The following PPP4R4 variants were observed in gnomAD, a reference collection of about 807,000 sequenced individuals.
PPP4R4 encodes the protein serine/threonine-protein phosphatase 4 regulatory subunit 4.
Under a neutral mutation model 121.8 loss-of-function variants are expected in PPP4R4, and 70 were observed. That is an observed-to-expected ratio of 0.57 (90% CI 0.47 to 0.70). PPP4R4 has a LOEUF of 0.70. Ranked by LOEUF, PPP4R4 falls within the 30% of genes least tolerant of loss-of-function variation. PPP4R4 has a pLI of 0.00. For synonymous variants in PPP4R4, 348 were observed against 355.7 expected (o/e 0.98, Z 0.24); for missense variants, 875 against 1,033.6 (o/e 0.85, Z 2.10).
chr14:94,230,921 T>C (rs1031653336), intron 4 of PPP4R4, among the ~76,000 whole-genome samples, 187 bp downstream of exon 4: 1 of 152,220 alleles, frequency 6.6e-6, no homozygotes, highest in Non-Finnish European at 1.5e-5. Flanking sequence ...TTAATATCCT[T>C]GAAAGCTGAA....
Position 94,264,532 on chromosome 14 carries a change from G to T in PPP4R4, c.2128-346G>T, listed in dbSNP as rs993970519. 2.6e-5 allele frequency among the ~76,000 whole-genome samples: 4 copies of T among 152,076 alleles called. No individual in the cohort carries two copies. The East Asian group carries it at 7.7e-4, about 29-fold the overall frequency. ...TTTTCTCTCAATCTTTTTAAAGAAA[G>T]ATATTATTTAGCCATTTACCAATCT... On this transcript the variant is annotated intron_variant, in intron 19 of 24. Coordinates refer to ENST00000304338, the MANE Select transcript of PPP4R4 (RefSeq NM_058237.2).
At chr14:94,187,671 G>C (rs112658870) in intron 2 of PPP4R4, among the ~76,000 whole-genome samples, 2 of 151,392 alleles carry the variant, frequency 1.3e-5, no homozygotes, top group Non-Finnish European at 2.9e-5. Context: ...CCAGGAAACT[G>C]CATTGTATTT....
At chr14:94,242,155 T>A in intron 10 of PPP4R4, 134 bp from the exon 11 acceptor site, 5 of 1,252,454 alleles carry the variant, frequency 4.0e-6, no homozygotes, top group African/African-American at 1.5e-5. Flanking sequence ...TATTTGGATC[T>A]TCCAAATATG....
intron 3 of PPP4R4, among the ~76,000 whole-genome samples, chr14:94,218,593 AC>A (rs1280881072): frequency 8.4e-6 from 1 of 119,332 alleles, no homozygotes; most frequent in African/African-American, 3.3e-5. Flanking sequence ...GCACACACAC[AC>A]ACCCTCACCC....
intron 14 of PPP4R4, among the ~76,000 whole-genome samples, chr14:94,249,061 A>G (rs140397180): frequency 1.1e-4 from 16 of 152,138 alleles, no homozygotes; most frequent in Middle Eastern, 3.4e-3. Context: ...AGAATACCTT[A>G]TGCCATAAAC....
At chr14:94,225,162 A>ATAAAT (rs1891628948) in intron 3 of PPP4R4, among the ~76,000 whole-genome samples, 1 of 152,246 alleles carries the variant, frequency 6.6e-6, no homozygotes, top group African/African-American at 2.4e-5. Flanking sequence ...TCCTCTTTCA[A>ATAAAT]TAAAGGCAGA....
chr14:94,255,198 T>C (rs193248131), intron 16 of PPP4R4, among the ~76,000 whole-genome samples: 80 of 152,326 alleles, frequency 5.3e-4, no homozygotes, highest in African/African-American at 1.8e-3. Flanking sequence ...GTCTTCTCCA[T>C]CTCAGGAAAT....
At chr14:94,234,923 G>A (rs1334679545) in intron 7 of PPP4R4, among the ~76,000 whole-genome samples, 1 of 152,094 alleles carries the variant, frequency 6.6e-6, no homozygotes, top group Non-Finnish European at 1.5e-5. Context: ...AACCATACTT[G>A]GAATATGTTT....
At chr14:94,176,625 C>T (rs1956456) in intron 2 of PPP4R4, among the ~76,000 whole-genome samples, 116,250 of 152,070 alleles carry the variant, frequency 0.76, 45,285 homozygotes, top group Admixed American at 0.84. Context: ...GAAATTTGGT[C>T]GAGCCTACTG....
chr14:94,253,459 C>CA (rs1290026472), intron 16 of PPP4R4, among the ~76,000 whole-genome samples: 4 of 151,926 alleles, frequency 2.6e-5, no homozygotes, highest in Non-Finnish European at 5.9e-5. Flanking sequence ...GACTTCGTCT[C>CA]AAAAAAAGGA....
chr14:94,253,225 G>A (rs112851648), intron 16 of PPP4R4, among the ~76,000 whole-genome samples: 3 of 152,140 alleles, frequency 2.0e-5, no homozygotes, highest in Admixed American at 1.3e-4. Flanking sequence ...TTGGGAGGCC[G>A]AGGCAGACAG....
intron 3 of PPP4R4, among the ~76,000 whole-genome samples, chr14:94,219,084 T>TC (rs1237716065): frequency 5.4e-5 from 8 of 146,998 alleles, no homozygotes; most frequent in South Asian, 2.2e-4. Context: ...TCTTTTCTTT[T>TC]TTTTTTTTTT....
intron 3 of PPP4R4, among the ~76,000 whole-genome samples, chr14:94,218,451 C>T (rs561540612): frequency 5.8e-5 from 7 of 121,422 alleles, no homozygotes; most frequent in South Asian, 2.9e-4. Context: ...CACACCCTCA[C>T]CCCTAGACAC....
chr14:94,246,622 G>A, intron 14 of PPP4R4, 83 bp downstream of exon 14: 1 of 1,403,966 alleles, frequency 7.1e-7, no homozygotes, highest in Non-Finnish European at 9.7e-7. Flanking sequence ...TTTCAAAATA[G>A]TAGAACAAAC....
chr14:94,277,444 C>CA (rs996437432), intron 24 of PPP4R4, among the ~76,000 whole-genome samples: 1 of 152,246 alleles, frequency 6.6e-6, no homozygotes, highest in African/African-American at 2.4e-5. Flanking sequence ...TGTCACATGA[C>CA]AGGGCTGTCT....
intron 3 of PPP4R4, among the ~76,000 whole-genome samples, chr14:94,216,503 T>C (rs1489853910): frequency 6.6e-6 from 1 of 152,222 alleles, no homozygotes; most frequent in East Asian, 1.9e-4. Context: ...CAGAGGAGCT[T>C]TGCATCCATT....
intron 3 of PPP4R4, among the ~76,000 whole-genome samples, chr14:94,210,683 T>C (rs1169153024): frequency 6.6e-6 from 1 of 152,122 alleles, no homozygotes; most frequent in Non-Finnish European, 1.5e-5. Context: ...CTAGTGACCA[T>C]GGAAAACAAT....
In PPP4R4 at chr14:94,193,755, A is replaced by C. The variant is rs1468118596; in HGVS notation, c.192-14709A>C. Among the ~76,000 whole-genome samples, 3 of 152,236 alleles carry C rather than the reference A, an allele frequency of 2.0e-5. No homozygotes were observed. The East Asian group carries it at 5.8e-4, about 29-fold the overall frequency. On this transcript the variant is annotated intron_variant, in intron 2 of 24. Coordinates refer to ENST00000304338, the MANE Select transcript of PPP4R4 (RefSeq NM_058237.2). ...AATAAGAGTTAATGGCCAATAAGTG[A>C]GATCACAGCTTGAGATTCTAGAGAT...
chr14:94,266,923 T>A, intron 22 of PPP4R4, 36 bp from the exon 23 acceptor site: 1 of 1,368,198 alleles, frequency 7.3e-7, no homozygotes, highest in Non-Finnish European at 1.0e-6. Flanking sequence ...AAGAAGTGTG[T>A]TTTTGTATTT....
Sources: gnomAD v4.1 joint callset for allele counts (sites outside exome capture counted in the v4.1 genomes callset) on GRCh38, gnomAD v4.1.1 for gene constraint, MANE v1.5 for transcripts, NCBI Gene and HGNC (gene_info 2026-07-23, HGNC 2026-07-21) for gene names.